PPOX: variants seen among roughly 807,000 people sequenced by gnomAD.
PPOX encodes the protein protoporphyrinogen oxidase, also known as variegate porphyria.
Under a neutral mutation model 54.1 loss-of-function variants are expected in PPOX, and 23 were observed. The observed-to-expected ratio is 0.43, with a 90% confidence interval of 0.31 to 0.60. The LOEUF is 0.60. Among genes scored for constraint, PPOX ranks in the 20% least tolerant of loss-of-function variants. The probability of loss-of-function intolerance (pLI) is 0.13; values close to 1 mark genes in which losing one functional copy is unlikely to be tolerated. For missense variants in PPOX, 512 were observed against 601.1 expected, an observed-to-expected ratio of 0.85 and a Z score of 1.55; for synonymous variants, 224 against 236.1, an observed-to-expected ratio of 0.95 and a Z score of 0.47.
At chr1:161,174,945 G>A (rs377250284), downstream of PPOX, 14 of 1,578,436 alleles carry the variant, frequency 8.9e-6, no homozygotes, top group African/African-American at 1.6e-4. Flanking sequence ...TGTGCTTGAG[G>A]CTTCCTTAGA....
At chr1:161,171,965 C>G (rs1465763594), downstream of PPOX, 11 of 1,614,158 alleles carry the variant, frequency 6.8e-6, no homozygotes, top group Non-Finnish European at 9.3e-6. Context: ...CCCCGAGGGT[C>G]AGTCCCAATG....
chr1:161,168,944 GT>G (rs774907834), intron 6 of PPOX, 48 bp from the exon 7 acceptor site: 7 of 1,604,976 alleles, frequency 4.4e-6, no homozygotes, highest in African/African-American at 2.7e-5. Flanking sequence ...GATTACAGGT[GT>G]GAGCCACTGC....
chr1:161,167,371 G>A lies in PPOX; in HGVS notation c.223G>A (p.Val75Ile), dbSNP rs772455756. ...GALGARTLLL[V>I]SELGLDSEVL... ...TCTTCTGAGGGCATGTGGAGAGCAGGTTTCTGAGCTTGGCTTGGATTCAGA... is the reference window on the plus strand; with the variant it reads ...TCTTCTGAGGGCATGTGGAGAGCAGATTTCTGAGCTTGGCTTGGATTCAGA... Residue 75 changes from valine (V) to isoleucine (I), a missense_variant and splice_region_variant, in exon 4 of 13, where the codon GTT becomes ATT. Val to Ile is a conservative substitution (Grantham distance 29, BLOSUM62 3). Transcript: ENST00000367999. The A allele has an allele frequency of 6.2e-7, 1 of 1,613,940 alleles. No individual in the cohort carries two copies. Among genetic ancestry groups the A allele is most frequent in the Admixed American group, 1.7e-5 (1 of 60,002 alleles).
In PPOX at chr1:161,171,072, C is replaced by G. The variant is rs149526921; in HGVS notation, c.1330C>G (p.Leu444Val). 1.2e-6 allele frequency: 2 copies of G among 1,614,084 alleles called. No homozygotes were observed. The highest frequency in any genetic ancestry group is 1.3e-5 in the African/African-American group (1 of 74,936). The change falls in exon 13 of 13, where the codon CTG becomes GTG. Residue 444 changes from leucine (L) to valine (V), a missense_variant. Coordinates refer to ENST00000367999, the MANE Select transcript of PPOX (RefSeq NM_001122764.3). ...ATTCCTGACTGCTCACAGGTTGCCC[C>G]TGACTCTGGCTGGAGCCTCCTATGA... The part of the protein sequence containing the change: ...RQFLTAHRLP[L>V]TLAGASYEGV...
chr1:161,176,402 T>G, intron 4 of PPOX: 1 of 411,006 alleles, frequency 2.4e-6, no homozygotes. Flanking sequence ...GAACCCCCTC[T>G]TCCAATTTTA....
At chr1:161,167,065 G>C (rs1659234640) in intron 2 of PPOX, 35 bp from the exon 3 acceptor site, 2 of 1,614,182 alleles carry the variant, frequency 1.2e-6, no homozygotes, top group Non-Finnish European at 1.7e-6. Flanking sequence ...GGCGGCTACA[G>C]GCGGTGCTGC....
upstream of PPOX, chr1:161,165,769 A>G (rs2502806): frequency 0.7 from 151,002 of 217,258 alleles, 54,810 homozygotes; most frequent in African/African-American, 0.92. Flanking sequence ...TAGAGAACTG[A>G]GCCAAATTGG....
chr1:161,166,862 G>T lies in PPOX; in HGVS notation c.15G>T (p.Val5=). The T allele has an allele frequency of 6.2e-7, 1 of 1,613,732 alleles. No homozygotes were observed. The highest frequency in any genetic ancestry group is 1.1e-5 in the South Asian group (1 of 91,088). ...CAGGTTTCCGCATGGGCCGGACCGT[G>T]GTCGTGCTGGGCGGAGGCATCAGCG... MGRT[V]VVLGGGISGL... The change falls in exon 2 of 13, where the codon GTG becomes GTT. Residue 5 remains valine, a synonymous_variant. Coordinates refer to ENST00000367999, the MANE Select transcript of PPOX (RefSeq NM_001122764.3).
chr1:161,171,865 G>A (rs774816977), downstream of PPOX: 1 of 1,614,228 alleles, frequency 6.2e-7, no homozygotes, highest in Admixed American at 1.7e-5. Flanking sequence ...TAGAGGCCCA[G>A]GCCTGGCTGG....
downstream of PPOX, among the ~76,000 whole-genome samples, chr1:161,174,315 G>A (rs1186497354): frequency 3.3e-5 from 5 of 151,638 alleles, no homozygotes; most frequent in African/African-American, 4.8e-5. Context: ...GCTGAGGCAG[G>A]AGAATGGCGT....
chr1:161,174,087 G>A (rs1662514011), downstream of PPOX: 1 of 1,596,702 alleles, frequency 6.3e-7, no homozygotes, highest in Non-Finnish European at 8.6e-7. Flanking sequence ...TATGTCTGTA[G>A]GTGGCACGGA....
At chr1:161,173,037 C>T (rs1368332813), downstream of PPOX, among the ~76,000 whole-genome samples, 1 of 152,154 alleles carries the variant, frequency 6.6e-6, no homozygotes, top group African/African-American at 2.4e-5. Context: ...GGGTATTTCA[C>T]ACACATACAG....
At chr1:161,173,203 C>T (rs1184315303), downstream of PPOX, among the ~76,000 whole-genome samples, 1 of 152,162 alleles carries the variant, frequency 6.6e-6, no homozygotes, top group Non-Finnish European at 1.5e-5. Context: ...AATGAGTTGG[C>T]CCTGTGCCAA....
Position 161,168,077 on chromosome 1 carries a change from G to A in PPOX, c.421G>A (p.Glu141Lys), listed in dbSNP as rs753421796. The change falls in exon 5 of 13, where the codon GAG (glutamate) becomes AAG (lysine). Residue 141 changes from glutamate to lysine, a missense_variant. Transcript: ENST00000367999. Reference protein sequence around the residue: ...LRELTKPRGKEPDETVHSFAQ... With the variant: ...LRELTKPRGKKPDETVHSFAQ... Reference sequence around the variant, plus strand: ...GGAGCTGACCAAGCCCCGGGGCAAAGAGCCTGATGAGACTGTGCACAGTTT... The same window carrying A: ...GGAGCTGACCAAGCCCCGGGGCAAAAAGCCTGATGAGACTGTGCACAGTTT... 1.3e-4 allele frequency: 202 copies of A among 1,614,072 alleles called. No homozygotes were observed. Among genetic ancestry groups the A allele is most frequent in the Non-Finnish European group, 3.7e-5 (44 of 1,180,046 alleles).
At chr1:161,173,553 G>A, downstream of PPOX, 5 of 1,611,790 alleles carry the variant, frequency 3.1e-6, no homozygotes, top group East Asian at 2.2e-5. Context: ...TGGTCTTAGA[G>A]GACAGGGATC....
chr1:161,173,385 C>T (rs1367756423), downstream of PPOX, among the ~76,000 whole-genome samples: 1 of 152,166 alleles, frequency 6.6e-6, no homozygotes, highest in Admixed American at 6.5e-5. Flanking sequence ...ATCTTATGTC[C>T]TCTCCCAAGA....
intron 10 of PPOX, 44 bp downstream of exon 10, chr1:161,170,563 C>T (rs113501847): frequency 1.2e-5 from 19 of 1,614,148 alleles, no homozygotes; most frequent in Middle Eastern, 1.6e-4. Context: ...CCAGAGGGCT[C>T]CTCTGTGCTC....
chr1:161,176,627 A>G, intron 4 of PPOX: 1 of 571,364 alleles, frequency 1.8e-6, no homozygotes, highest in Non-Finnish European at 3.1e-6. Flanking sequence ...ACCGCCAGAG[A>G]TCAGGATCAG....
At chr1:161,169,787 G>C in intron 8 of PPOX, 67 bp downstream of exon 8, 3 of 1,613,440 alleles carry the variant, frequency 1.9e-6, no homozygotes, top group Non-Finnish European at 1.7e-6. Flanking sequence ...ATACCTTCCT[G>C]GGTCAGCAGG....
Sources: allele counts gnomAD v4.1 joint callset (sites outside exome capture counted in the v4.1 genomes callset), GRCh38; gene constraint gnomAD v4.1.1; transcripts MANE v1.5; gene names NCBI Gene and HGNC (gene_info 2026-07-23, HGNC 2026-07-21).